ABCC4: variants seen among roughly 807,000 people sequenced by gnomAD.
The protein encoded by ABCC4 is ATP binding cassette subfamily C member 4 (PEL blood group), also known as ATP-binding cassette sub-family C member 4.
A neutral mutation model predicts 168.5 loss-of-function variants in ABCC4; 102 were observed. The ratio of observed to expected loss-of-function variants is 0.61; its 90% CI spans 0.52 to 0.71. The LOEUF is 0.71. Among genes scored for constraint, ABCC4 ranks in the 30% least tolerant of loss-of-function variants. The pLI is 0.00. For missense variants in ABCC4, 1,402 were observed against 1,605.8 expected (o/e 0.87, Z 2.17); for synonymous variants, 617 against 590.7 (o/e 1.04, Z -0.65).
intron 3 of ABCC4, among the ~76,000 whole-genome samples, chr13:95,239,990 C>T (rs1413511474): frequency 5.9e-5 from 9 of 152,164 alleles, no homozygotes; most frequent in East Asian, 1.9e-4. Flanking sequence ...CAGACCTAAG[C>T]GAGGTATCTC....
At chr13:95,083,933 A>G (rs2034181007) in intron 20 of ABCC4, among the ~76,000 whole-genome samples, 2 of 152,176 alleles carry the variant, frequency 1.3e-5, no homozygotes, top group African/African-American at 4.8e-5. Flanking sequence ...ATCCCAAACT[A>G]TCATGAGTCA....
chr13:95,120,959 T>C (rs2035550507), intron 19 of ABCC4, among the ~76,000 whole-genome samples: 1 of 152,240 alleles, frequency 6.6e-6, no homozygotes, highest in East Asian at 1.9e-4. Context: ...TTTGAGGGGA[T>C]GGGCCAGCCT....
intron 1 of ABCC4, among the ~76,000 whole-genome samples, chr13:95,262,919 G>A (rs1005805765): frequency 6.6e-6 from 1 of 152,206 alleles, no homozygotes; most frequent in Non-Finnish European, 1.5e-5. Context: ...ACAGGTGTGA[G>A]CTACCACGCC....
intron 5 of ABCC4, 21 bp from the exon 6 acceptor site, chr13:95,209,618 C>T (rs549545310): frequency 1.3e-6 from 2 of 1,595,618 alleles, no homozygotes; most frequent in African/African-American, 1.3e-5. Flanking sequence ...AAAGACAGAG[C>T]GTTCTTAGGA....
At position 95,164,387 on chromosome 13, in the gene ABCC4, A is replaced by C; in HGVS notation, c.2166T>G (p.Thr722=). The stretch of plus-strand genomic sequence containing the variant: ...AAATGTCATTATTTACCTGAGCTGC[A>C]GTGTTTAGGAGAATAAGGAAAATGA... ...IVFIFLILLN[T]AAQVAYVLQD... The change falls in exon 16 of 31, where the codon ACT becomes ACG. Residue 722 remains threonine (T), a synonymous_variant. Coordinates refer to ENST00000645237, the MANE Select transcript of ABCC4 (RefSeq NM_005845.5). 6.2e-7 allele frequency: 1 copy of C among 1,614,130 alleles called. No individual in the cohort carries two copies. The highest frequency in any genetic ancestry group is 8.5e-7 in the Non-Finnish European group (1 of 1,180,000).
intron 19 of ABCC4, among the ~76,000 whole-genome samples, chr13:95,119,497 G>T (rs1172145279): frequency 6.6e-6 from 1 of 152,100 alleles, no homozygotes; most frequent in Non-Finnish European, 1.5e-5. Flanking sequence ...GAGTCAGGTT[G>T]CTCCTAACTT....
intron 21 of ABCC4, among the ~76,000 whole-genome samples, chr13:95,077,010 C>A (rs2033929094): frequency 6.6e-6 from 1 of 152,206 alleles, no homozygotes; most frequent in South Asian, 2.1e-4. Flanking sequence ...TGTGAGCCAC[C>A]ATTTCCAGCA....
At chr13:95,256,428 G>C (rs1432155558) in intron 1 of ABCC4, among the ~76,000 whole-genome samples, 1 of 152,206 alleles carries the variant, frequency 6.6e-6, no homozygotes, top group Non-Finnish European at 1.5e-5. Flanking sequence ...ATCCTTCTGA[G>C]CCCATCAGTG....
In ABCC4 at chr13:95,225,978, A is replaced by AG. The variant is rs1170488148; in HGVS notation, c.531+8631_531+8632insC. Among the ~76,000 whole-genome samples the AG allele has an allele frequency of 2.0e-5, 3 of 148,978 alleles. No individual in the cohort carries two copies. The East Asian group carries it at 5.9e-4, about 29-fold the overall frequency. ...GACTCCATCTCCACTTAAAAAAAAA[A>AG]AAAAAAGAAAAAGAAATGTATAAAG... is the stretch of plus-strand genomic sequence containing the variant. On this transcript the variant is annotated intron_variant, in intron 4 of 30. Transcript: ENST00000645237.
intron 27 of ABCC4, among the ~76,000 whole-genome samples, chr13:95,051,378 A>T (rs2032822540): frequency 6.6e-6 from 1 of 152,032 alleles, no homozygotes; most frequent in South Asian, 2.1e-4. Context: ...AAACAACAAC[A>T]ATAACAATGG....
At chr13:95,252,135 G>A (rs2040280519) in intron 1 of ABCC4, among the ~76,000 whole-genome samples, 1 of 152,022 alleles carries the variant, frequency 6.6e-6, no homozygotes, top group Non-Finnish European at 1.5e-5. Context: ...GCAAGTACAA[G>A]GATGCTAGCC....
Position 95,234,814 on chromosome 13 carries a change from C to T in ABCC4, c.327G>A (p.Gln109=), listed in dbSNP as rs2039719927. The part of the protein sequence containing the change: ...TLIEESAKVI[Q]PIFLGKIINY... ...TAATAATTTTTCCCAAAAATATGGG[C>T]TGGATTACTTTGGCACTTTCCTAAA... Residue 109 remains glutamine (Q), a synonymous_variant, in exon 4 of 31, where the codon CAG becomes CAA. Transcript: ENST00000645237. 6.4e-7 allele frequency: 1 copy of T among 1,564,310 alleles called. No homozygotes were observed. The highest frequency in any genetic ancestry group is 8.7e-7 in the Non-Finnish European group (1 of 1,153,016).
rs1208949213 is a variant in ABCC4 at position 95,176,224 on chromosome 13, AGGGGGGGGG to A, written c.1727+1474_1727+1482del. ...CTCAGCACTCCAGGAAGCCGAGGGC[AGGGGGGGGG>A]GGGGGGGGGGGGTGGATCCCTTGAG... On this transcript the variant is annotated intron_variant, in intron 13 of 30. Coordinates refer to ENST00000645237, the MANE Select transcript of ABCC4 (RefSeq NM_005845.5). Among the ~76,000 whole-genome samples the A allele has an allele frequency of 1.4e-3, 8 of 5,806 alleles. 1 individual carries two copies. The highest frequency in any genetic ancestry group is 5.2e-3 in the African/African-American group (8 of 1,538). The allele number at this position is 5,806 out of a possible 152,430, so 3.8% of individuals were successfully genotyped here. A position where few individuals can be genotyped will look rare whatever the true frequency, so the allele number is the denominator to read the frequency against.
intron 30 of ABCC4, among the ~76,000 whole-genome samples, chr13:95,022,444 TTC>T (rs2031146718): frequency 6.6e-6 from 1 of 152,212 alleles, no homozygotes; most frequent in African/African-American, 2.4e-5. Flanking sequence ...GCTGTCAAGT[TTC>T]TCTGTTCCAC....
chr13:95,269,535 G>A (rs2040787194), intron 1 of ABCC4: 1 of 157,324 alleles, frequency 6.4e-6, no homozygotes, highest in Admixed American at 6.4e-5. Flanking sequence ...TCTTTCTGAG[G>A]GAAGGGAGGA....
At chr13:95,199,512 T>C (rs1386144665) in intron 8 of ABCC4, among the ~76,000 whole-genome samples, 3 of 152,186 alleles carry the variant, frequency 2.0e-5, no homozygotes, top group African/African-American at 7.2e-5. Flanking sequence ...TCTTCTAGTA[T>C]TCCATATTTC....
At chr13:95,085,682 T>C (rs1161036626) in intron 20 of ABCC4, among the ~76,000 whole-genome samples, 1 of 152,204 alleles carries the variant, frequency 6.6e-6, no homozygotes. Flanking sequence ...CAGCCCAGCA[T>C]CTGGCCTACT....
intron 21 of ABCC4, among the ~76,000 whole-genome samples, chr13:95,077,273 T>C (rs1356024506): frequency 6.6e-6 from 1 of 152,230 alleles, no homozygotes; most frequent in East Asian, 1.9e-4. Context: ...TTGCTACCTG[T>C]GTAGCTCCAG....
intron 1 of ABCC4, among the ~76,000 whole-genome samples, chr13:95,286,140 G>C (rs373401350): frequency 5.6e-5 from 1 of 17,832 alleles, no homozygotes; most frequent in Non-Finnish European, 2.1e-4. Context: ...TTTTTTTTGA[G>C]ACGGAGTCTC....
Sources: gnomAD v4.1 joint callset for allele counts (sites outside exome capture counted in the v4.1 genomes callset) on GRCh38, gnomAD v4.1.1 for gene constraint, MANE v1.5 for transcripts, NCBI Gene and HGNC (gene_info 2026-07-23, HGNC 2026-07-21) for gene names.